Variants in ITFG2 observed in about 807,000 individuals in gnomAD.
ITFG2 encodes the protein integrin alpha FG-GAP repeat containing 2.
A neutral mutation model predicts 54.4 loss-of-function variants in ITFG2; 36 were observed. The ratio of observed to expected loss-of-function variants is 0.66; its 90% CI spans 0.51 to 0.87. The LOEUF (loss-of-function observed/expected upper bound fraction) is 0.87, where lower values mean the gene tolerates loss of function less well. ITFG2 is among the 40% of genes least tolerant of loss of function. The probability of loss-of-function intolerance (pLI) is 0.00; values close to 1 mark genes in which losing one functional copy is unlikely to be tolerated. For missense variants in ITFG2, 524 were observed against 576.7 expected, an observed-to-expected ratio of 0.91 and a Z score of 0.94; for synonymous variants, 211 against 225.4, an observed-to-expected ratio of 0.94 and a Z score of 0.57.
chr12:2,839,090 G>A lies in ITFG2; in HGVS notation n.147-1752G>A, dbSNP rs900940840. 3.3e-5 allele frequency among the ~76,000 whole-genome samples: 5 copies of A among 152,034 alleles called. No individual in the cohort carries two copies. In the East Asian group the frequency reaches 5.8e-4, roughly 18 times the overall value. ...GTGGATCACTTGAGGTCAGGAGTTC[G>A]AGACCAGCCTAACCAATGTAGTGAA... is the stretch of plus-strand genomic sequence containing the variant. On this transcript the variant is annotated intron_variant and non_coding_transcript_variant, in intron 1 of 3. Transcript: ENST00000537710.
intron 2 of ITFG2, among the ~76,000 whole-genome samples, chr12:2,842,491 C>CA (rs2098043845): frequency 6.6e-6 from 1 of 150,568 alleles, no homozygotes; most frequent in Admixed American, 6.6e-5. Context: ...CCTGTAATCC[C>CA]ACATTTTTGG....
chr12:2,834,995 C>T (rs200816684), upstream of ITFG2: 97 of 1,545,304 alleles, frequency 6.3e-5, no homozygotes, highest in Admixed American at 3.7e-4. Context: ...CAGGAGCAGC[C>T]GCGTCAGTCT....
rs1021818961 is a variant in ITFG2 at position 2,849,613 on chromosome 12, C to T, written n.301-8399C>T. 11 of 1,427,198 alleles carry T rather than the reference C, an allele frequency of 7.7e-6. No homozygotes were observed. The African/African-American group carries it at 8.5e-5, about 11-fold the overall frequency. 88.4% of individuals were successfully genotyped at this position (1,427,198 alleles called of 1,614,324 possible). On this transcript the variant is annotated intron_variant and non_coding_transcript_variant, in intron 2 of 3. Transcript: ENST00000537710. Reference sequence around the variant, plus strand: ...AGACGGGGAAGGGGAAGGGTGATGCCGCTGTCCACAAGCTAGTTAGCCATC... The same window carrying T: ...AGACGGGGAAGGGGAAGGGTGATGCTGCTGTCCACAAGCTAGTTAGCCATC...
At chr12:2,818,444 A>G (rs1603482787) in intron 4 of ITFG2, 167 bp downstream of exon 4, 1 of 1,398,008 alleles carries the variant, frequency 7.2e-7, no homozygotes, top group East Asian at 2.5e-5. Context: ...TGGAATTGCC[A>G]TAGTGAATAA....
intron 1 of ITFG2, among the ~76,000 whole-genome samples, chr12:2,815,733 G>A (rs1010549259): frequency 1.1e-4 from 16 of 152,146 alleles, no homozygotes; most frequent in African/African-American, 1.2e-4. Flanking sequence ...TGTTCAGGTC[G>A]CATACTTTTC....
chr12:2,830,994 C>G (rs2097999865), downstream of ITFG2: 1 of 852,788 alleles, frequency 1.2e-6, no homozygotes, highest in African/African-American at 1.7e-5. Context: ...GGAGTTTACC[C>G]TAGGGTCCCA....
In ITFG2 at chr12:2,824,780, C is replaced by T. The variant is rs2097958828; in HGVS notation, c.*587C>T. 6.5e-6 allele frequency: 1 copy of T among 154,866 alleles called. No homozygotes were observed. The highest frequency in any genetic ancestry group is 6.4e-5 in the Admixed American group (1 of 15,674). The allele number at this position is 154,866 out of a possible 1,614,324, so 9.6% of individuals were successfully genotyped here. ...CCGGGTCAGTGCTTTCTCACGTTGC[C>T]GTATTCTTCAGGTATTAGTCAGCTT... On this transcript the variant is annotated 3_prime_UTR_variant, in exon 12 of 12. Coordinates refer to ENST00000228799, the MANE Select transcript of ITFG2 (RefSeq NM_018463.4).
intron 2 of ITFG2, among the ~76,000 whole-genome samples, chr12:2,852,327 C>T (rs1401758127): frequency 1.3e-5 from 2 of 152,160 alleles, no homozygotes; most frequent in Non-Finnish European, 2.9e-5. Context: ...GGCCCTGTGC[C>T]ATTTGACCCT....
chr12:2,821,911 C>CT, intron 9 of ITFG2, 119 bp downstream of exon 9: 2 of 684,650 alleles, frequency 2.9e-6, no homozygotes, highest in South Asian at 2.0e-5. Flanking sequence ...TCTTTAGTCT[C>CT]TGTCTCTTTT....
At chr12:2,855,910 A>G (rs1277155038) in intron 2 of ITFG2, among the ~76,000 whole-genome samples, 1 of 152,032 alleles carries the variant, frequency 6.6e-6, no homozygotes, top group Non-Finnish European at 1.5e-5. Flanking sequence ...TCCAGAAAAT[A>G]GGGCCAGGGG....
At chr12:2,828,092 G>T, downstream of ITFG2, 1 of 1,538,582 alleles carries the variant, frequency 6.5e-7, no homozygotes. Flanking sequence ...GCCCCTAGAG[G>T]GTTCCACCCC....
chr12:2,833,891 A>G (rs1193175492), upstream of ITFG2, among the ~76,000 whole-genome samples: 1 of 152,230 alleles, frequency 6.6e-6, no homozygotes, highest in Non-Finnish European at 1.5e-5. Context: ...CAATTGCACA[A>G]GTTAGTAAAT....
downstream of ITFG2, among the ~76,000 whole-genome samples, chr12:2,831,476 C>T (rs546814392): frequency 3.3e-5 from 5 of 151,886 alleles, no homozygotes; most frequent in South Asian, 2.1e-4. Context: ...CCCAGCTACT[C>T]GGGAGGCTGA....
upstream of ITFG2, among the ~76,000 whole-genome samples, chr12:2,832,672 T>A (rs1216040204): frequency 6.6e-6 from 1 of 150,826 alleles, no homozygotes; most frequent in Non-Finnish European, 1.5e-5. Flanking sequence ...ATGTATGGAT[T>A]TTACTCCCCC....
At position 2,818,244 on chromosome 12, in the gene ITFG2, G is replaced by A; in HGVS notation, c.373G>A (p.Ala125Thr). ...TCCAGTCTTCAAGCAGCACATCCCT[G>A]CCAACACCAAGGTCATGCTGATCAG... Reference protein sequence around the residue: ...QRPVFKQHIPANTKVMLISDI... With the variant: ...QRPVFKQHIPTNTKVMLISDI... Residue 125 changes from alanine (A) to threonine (T), a missense_variant, in exon 4 of 12, where the codon GCC (alanine) becomes ACC (threonine). By Grantham distance (58) the Ala-to-Thr change is moderately conservative. Coordinates refer to ENST00000228799, the MANE Select transcript of ITFG2 (RefSeq NM_018463.4). The A allele has an allele frequency of 1.1e-5, 18 of 1,613,688 alleles. No individual in the cohort carries two copies. The highest frequency in any genetic ancestry group is 1.4e-5 in the Non-Finnish European group (17 of 1,180,024).
chr12:2,813,784 A>G (rs1238009454), intron 1 of ITFG2, among the ~76,000 whole-genome samples: 2 of 152,148 alleles, frequency 1.3e-5, no homozygotes, highest in African/African-American at 4.8e-5. Context: ...TAGTGCTGTG[A>G]TGCAGAAGGT....
chr12:2,854,162 A>G (rs1360070390), intron 2 of ITFG2, among the ~76,000 whole-genome samples: 1 of 152,104 alleles, frequency 6.6e-6, no homozygotes, highest in East Asian at 1.9e-4. Context: ...AGTAGCTGGG[A>G]TTGCAGGCAC....
intron 2 of ITFG2, chr12:2,830,698 G>A: frequency 2.5e-6 from 4 of 1,604,648 alleles, no homozygotes; most frequent in Non-Finnish European, 3.4e-6. Flanking sequence ...GTCCCTGGGA[G>A]GCCTCTCACC....
chr12:2,853,592 GTTGTTTTTGTTT>G lies in ITFG2; in HGVS notation n.301-4405_301-4394del, dbSNP rs796760977. On this transcript the variant is annotated intron_variant and non_coding_transcript_variant, in intron 2 of 3. Transcript: ENST00000537710. ...CCGGCCTGTTTTTTTTGTTGTTGTT[GTTGTTTTTGTTT>G]TTGTTTTTGTTTTTTTTTCAGATTA... is the stretch of plus-strand genomic sequence containing the variant. Among the ~76,000 whole-genome samples, 34 of 150,256 alleles carry G rather than the reference GTTGTTTTTGTTT, an allele frequency of 2.3e-4. No individual in the cohort carries two copies. The South Asian group carries it at 6.4e-3, about 28-fold the overall frequency.
Sources: gnomAD v4.1 joint callset for allele counts (sites outside exome capture counted in the v4.1 genomes callset) on GRCh38, gnomAD v4.1.1 for gene constraint, MANE v1.5 for transcripts, NCBI Gene and HGNC (gene_info 2026-07-23, HGNC 2026-07-21) for gene names.